ALDOB: variants seen among roughly 807,000 people sequenced by gnomAD.
The protein encoded by ALDOB is fructose-bisphosphate aldolase B.
Under a neutral mutation model 41.0 loss-of-function variants are expected in ALDOB, and 39 were observed. That is an observed-to-expected ratio of 0.95 (90% CI 0.74 to 1.24). ALDOB has a LOEUF of 1.24. ALDOB is among the 50% of genes most tolerant of loss of function. The pLI, the probability that ALDOB is intolerant of heterozygous loss-of-function variation, is 0.00. For synonymous variants in ALDOB, 175 were observed against 168.8 expected (o/e 1.04, Z -0.28); for missense variants, 530 against 457.3 (o/e 1.16, Z -1.45).
rs201551409 is a variant in ALDOB at position 101,425,486 on chromosome 9, C to A, written c.766G>T (p.Ala256Ser). 7 of 1,614,176 alleles carry A rather than the reference C, an allele frequency of 4.3e-6. No individual in the cohort carries two copies. The African/African-American group carries it at 8.0e-5, about 18-fold the overall frequency. The change falls in exon 7 of 9, where the codon GCT becomes TCT. Residue 256 changes from alanine to serine, a missense_variant. Transcript: ENST00000647789. ...PEQVAMATVT[A>S]LHRTVPAAVP... ...GCTGCAGGAACAGTACGGTGGAGAG[C>A]TGTTACGGTGGCCATAGCTACTTGT...
intron 1 of ALDOB, among the ~76,000 whole-genome samples, chr9:101,434,534 C>T (rs569126593): frequency 6.6e-6 from 1 of 152,322 alleles, no homozygotes; most frequent in South Asian, 2.1e-4. Flanking sequence ...TATGAGGAGG[C>T]TTATTTATTG....
At position 101,421,641 on chromosome 9, in the gene ALDOB, G is replaced by C; in HGVS notation, c.*168C>G. On this transcript the variant is annotated 3_prime_UTR_variant, in exon 9 of 9. Coordinates refer to ENST00000647789, the MANE Select transcript of ALDOB (RefSeq NM_000035.4). ...TCAGGTCCTTGGTATTCATTTTTAT[G>C]TTTCAATAACTGATTTATTTTTTCC... 1.4e-6 allele frequency: 1 copy of C among 707,974 alleles called. No homozygotes were observed. Among genetic ancestry groups the C allele is most frequent in the Non-Finnish European group, 2.6e-6 (1 of 385,690 alleles). 43.9% of individuals were successfully genotyped at this position (707,974 alleles called of 1,614,324 possible).
At position 101,421,725 on chromosome 9, in the gene ALDOB, C is replaced by T. The variant is rs1564076421; in HGVS notation, c.*84G>A. ...TCCAGCAGTTCAAATCTAATTGTGT[C>T]GAATTTCCAGGATTGGAGGAAAAGT... On this transcript the variant is annotated 3_prime_UTR_variant, in exon 9 of 9. Coordinates refer to ENST00000647789, the MANE Select transcript of ALDOB (RefSeq NM_000035.4). 1.4e-5 allele frequency: 15 copies of T among 1,071,306 alleles called. No individual in the cohort carries two copies. In the East Asian group the frequency reaches 1.7e-4, roughly 12 times the overall value. The allele number at this position is 1,071,306 out of a possible 1,614,324, so 66.4% of individuals were successfully genotyped here.
chr9:101,434,009 C>T (rs918151481), intron 1 of ALDOB, among the ~76,000 whole-genome samples: 9 of 152,094 alleles, frequency 5.9e-5, no homozygotes, highest in South Asian at 2.1e-4. Context: ...TGAGTTCACG[C>T]GATCCTCCCA....
chr9:101,425,267 A>G (rs1385929649), intron 7 of ALDOB, among the ~76,000 whole-genome samples, 186 bp downstream of exon 7: 2 of 152,120 alleles, frequency 1.3e-5, no homozygotes, highest in Admixed American at 1.3e-4. Flanking sequence ...AAATACATGG[A>G]TTGTGGGCAT....
Position 101,426,779 on chromosome 9 carries a change from A to AT in ALDOB, c.541-142dup, listed in dbSNP as rs1365851806. The AT allele has an allele frequency of 6.1e-6, 4 of 654,466 alleles. No individual in the cohort carries two copies. In the African/African-American group the frequency reaches 7.3e-5, roughly 12 times the overall value. 40.5% of individuals were successfully genotyped at this position (654,466 alleles called of 1,614,324 possible). A position where few individuals can be genotyped will look rare whatever the true frequency, so the allele number is the denominator to read the frequency against. On this transcript the variant is annotated intron_variant, in intron 5 of 8. Coordinates refer to ENST00000647789, the MANE Select transcript of ALDOB (RefSeq NM_000035.4). Reference sequence around the variant, plus strand: ...ACATAGATGACTTAAAGACAGTAGAATTTTTCAGAATGAGATAAAAAATAA... The same window carrying AT: ...ACATAGATGACTTAAAGACAGTAGAATTTTTTCAGAATGAGATAAAAAATAA...
chr9:101,424,983 T>C lies in ALDOB; in HGVS notation c.859A>G (p.Ile287Val), dbSNP rs1271985871. ...EEDATLNLNAINLCPLPKPWK... is the reference protein window; with the variant it reads ...EEDATLNLNAVNLCPLPKPWK... ...GGCTTTGGTAGAGGGCAAAGGTTGATAGCATTGAGGTTGAGAGTGGCATCC... is the reference window on the plus strand; with the variant it reads ...GGCTTTGGTAGAGGGCAAAGGTTGACAGCATTGAGGTTGAGAGTGGCATCC... The change falls in exon 8 of 9, where the codon ATC (isoleucine) becomes GTC (valine). Residue 287 changes from isoleucine (I) to valine (V), a missense_variant. Coordinates refer to ENST00000647789, the MANE Select transcript of ALDOB (RefSeq NM_000035.4). The C allele has an allele frequency of 3.1e-6, 5 of 1,614,088 alleles. No individual in the cohort carries two copies. The highest frequency in any genetic ancestry group is 1.1e-5 in the South Asian group (1 of 91,088).
intron 6 of ALDOB, among the ~76,000 whole-genome samples, chr9:101,426,249 A>G (rs1219373861): frequency 6.6e-6 from 1 of 152,222 alleles, no homozygotes; most frequent in Non-Finnish European, 1.5e-5. Context: ...GTCTTATTTT[A>G]AAATTTCTTT....
intron 5 of ALDOB, 148 bp from the exon 6 acceptor site, chr9:101,426,786 A>G: frequency 4.6e-6 from 3 of 647,102 alleles, no homozygotes. Flanking sequence ...AGAATTTTTC[A>G]GAATGAGATA....
intron 7 of ALDOB, among the ~76,000 whole-genome samples, 193 bp downstream of exon 7, chr9:101,425,260 T>TA (rs1229419046): frequency 6.6e-6 from 1 of 152,148 alleles, no homozygotes; most frequent in East Asian, 1.9e-4. Context: ...GTTGAAGAAA[T>TA]ACATGGATTG....
chr9:101,430,088 C>G (rs1300126276), intron 2 of ALDOB, 122 bp from the exon 3 acceptor site: 4 of 919,704 alleles, frequency 4.3e-6, no homozygotes, highest in Non-Finnish European at 7.0e-6. Flanking sequence ...TTCAGATAGT[C>G]AAAGCTCCTG....
At chr9:101,425,417 C>A (rs778655699) in intron 7 of ALDOB, 36 bp downstream of exon 7, 2 of 1,610,882 alleles carry the variant, frequency 1.2e-6, no homozygotes, top group South Asian at 2.2e-5. Context: ...AGAATGAGGG[C>A]TAAGACCTTG....
chr9:101,427,379 GA>G (rs1831146414), intron 5 of ALDOB, 102 bp downstream of exon 5: 4 of 1,418,310 alleles, frequency 2.8e-6, no homozygotes. Context: ...ATATACTGGT[GA>G]GGGAAAAGGA....
intron 8 of ALDOB, among the ~76,000 whole-genome samples, chr9:101,423,220 A>G (rs1831074958): frequency 1.3e-5 from 2 of 152,120 alleles, no homozygotes; most frequent in African/African-American, 4.8e-5. Flanking sequence ...TCATCACCAC[A>G]CTTCTGACTA....
At chr9:101,430,403 C>T (rs1386507100) in intron 2 of ALDOB, among the ~76,000 whole-genome samples, 1 of 152,216 alleles carries the variant, frequency 6.6e-6, no homozygotes, top group Non-Finnish European at 1.5e-5. Flanking sequence ...AAGCCCTGTC[C>T]TATTCCAGAT....
intron 8 of ALDOB, 104 bp downstream of exon 8, chr9:101,424,739 G>T: frequency 1.5e-6 from 2 of 1,356,468 alleles, no homozygotes; most frequent in Non-Finnish European, 2.1e-6. Flanking sequence ...AGACACTATC[G>T]GTAGATACCT....
At chr9:101,422,251 A>G (rs934945893) in intron 8 of ALDOB, among the ~76,000 whole-genome samples, 8 of 152,192 alleles carry the variant, frequency 5.3e-5, no homozygotes, top group Admixed American at 5.2e-4. Flanking sequence ...TATTTTAAAA[A>G]CATTTCCATT....
In ALDOB at chr9:101,430,475, C is replaced by T. The variant is rs180906092; in HGVS notation, c.112+301G>A. Among the ~76,000 whole-genome samples, 464 of 152,318 alleles carry T rather than the reference C, an allele frequency of 3.0e-3. 1 individual carries two copies. The highest frequency in any genetic ancestry group is 5.7e-3 in the Non-Finnish European group (389 of 68,034). ...TTAAACTGACTTTAAACTGACTTCT[C>T]ACTAGTAGCAGATGCCTGTGTATCT... On this transcript the variant is annotated intron_variant, in intron 2 of 8. Coordinates refer to ENST00000647789, the MANE Select transcript of ALDOB (RefSeq NM_000035.4).
chr9:101,421,306 A>G lies in ALDOB; in HGVS notation c.*503T>C, dbSNP rs954756064. 6.8e-5 allele frequency: 15 copies of G among 220,582 alleles called. No homozygotes were observed. Among genetic ancestry groups the G allele is most frequent in the Admixed American group, 2.1e-4 (4 of 19,200 alleles). 13.7% of individuals were successfully genotyped at this position (220,582 alleles called of 1,614,324 possible). A position where few individuals can be genotyped will look rare whatever the true frequency, so the allele number is the denominator to read the frequency against. ...CTGTTGAAACCCAGTCATGTCTAGTAGAGTCAAAAGTAATGAAATACACTG... is the reference window on the plus strand; with the variant it reads ...CTGTTGAAACCCAGTCATGTCTAGTGGAGTCAAAAGTAATGAAATACACTG... On this transcript the variant is annotated 3_prime_UTR_variant, in exon 9 of 9. Transcript: ENST00000647789.
Sources: gnomAD v4.1 joint callset for allele counts (sites outside exome capture counted in the v4.1 genomes callset) on GRCh38, gnomAD v4.1.1 for gene constraint, MANE v1.5 for transcripts, NCBI Gene and HGNC (gene_info 2026-07-23, HGNC 2026-07-21) for gene names.